The following ZNF536 variants were observed in gnomAD, a reference collection of about 807,000 sequenced individuals.
ZNF536 encodes zinc finger protein 536.
Under a neutral mutation model 84.5 loss-of-function variants are expected in ZNF536, and 13 were observed. That is an observed-to-expected ratio of 0.15 (90% CI 0.10 to 0.24). The LOEUF is 0.24. Among genes scored for constraint, ZNF536 ranks in the 10% least tolerant of loss-of-function variants. The pLI, the probability that ZNF536 is intolerant of heterozygous loss-of-function variation, is 1.00. For missense variants in ZNF536, 1,536 were observed against 1,747.5 expected (o/e 0.88, Z 2.16); for synonymous variants, 811 against 742.5 (o/e 1.09, Z -1.50).
chr19:30,499,070 T>G (rs2054842535), intron 2 of ZNF536, among the ~76,000 whole-genome samples: 1 of 152,010 alleles, frequency 6.6e-6, no homozygotes, highest in Admixed American at 6.6e-5. Context: ...AATAGAATTC[T>G]AATTTTTACT....
At chr19:30,286,038 C>T (rs2045613307) in intron 2 of ZNF536, among the ~76,000 whole-genome samples, 1 of 151,988 alleles carries the variant, frequency 6.6e-6, no homozygotes, top group Non-Finnish European at 1.5e-5. Context: ...CGACGCAGGG[C>T]ATCCTTTCCT....
At chr19:30,502,064 C>T (rs1269744223) in intron 2 of ZNF536, among the ~76,000 whole-genome samples, 1 of 152,156 alleles carries the variant, frequency 6.6e-6, no homozygotes, top group Non-Finnish European at 1.5e-5. Flanking sequence ...GTAATGTAGA[C>T]TATGATATTT....
At chr19:30,288,872 T>C (rs2045737481) in intron 2 of ZNF536, among the ~76,000 whole-genome samples, 1 of 152,238 alleles carries the variant, frequency 6.6e-6, no homozygotes, top group Admixed American at 6.5e-5. Context: ...TTATTCAAGA[T>C]TAATGAAAAT....
intron 1 of ZNF536, 58 bp from the exon 2 acceptor site, chr19:30,443,503 T>G: frequency 6.7e-7 from 1 of 1,497,466 alleles, no homozygotes; most frequent in Admixed American, 2.5e-5. Flanking sequence ...CCAATGCTGT[T>G]GATTCATGGC....
chr19:30,471,313 C>T (rs940338705), intron 2 of ZNF536, among the ~76,000 whole-genome samples: 2 of 152,186 alleles, frequency 1.3e-5, no homozygotes, highest in Admixed American at 1.3e-4. Context: ...AAAGCCACAG[C>T]TGTTTTAAAG....
intron 2 of ZNF536, among the ~76,000 whole-genome samples, chr19:30,478,496 A>G (rs2053943773): frequency 6.6e-6 from 1 of 152,164 alleles, no homozygotes; most frequent in African/African-American, 2.4e-5. Context: ...GGGCTCAGTC[A>G]GGCATGGTCT....
intron 2 of ZNF536, among the ~76,000 whole-genome samples, chr19:30,457,038 TCTC>T: frequency 9.7e-6 from 1 of 103,544 alleles, no homozygotes; most frequent in African/African-American, 3.7e-5. Flanking sequence ...CAAGACTTCA[TCTC>T]AAAAAAAAAA....
At chr19:30,615,988 TCTGGGTTAACTTAAACCA>T (rs2048281742) in intron 1 of ZNF536, among the ~76,000 whole-genome samples, 3 of 152,216 alleles carry the variant, frequency 2.0e-5, no homozygotes, top group Admixed American at 2.0e-4. Context: ...TTGGTTATTG[TCTGGGTTAACTTAAACCA>T]CTGATTCTTG....
At chr19:30,394,054 G>C (rs992267472) in intron 1 of ZNF536, among the ~76,000 whole-genome samples, 1 of 152,088 alleles carries the variant, frequency 6.6e-6, no homozygotes, top group Non-Finnish European at 1.5e-5. Context: ...AGACAGTAGG[G>C]AAGGGCACGT....
intron 1 of ZNF536, among the ~76,000 whole-genome samples, chr19:30,401,915 A>G (rs1157251117): frequency 6.6e-6 from 1 of 152,252 alleles, no homozygotes; most frequent in Non-Finnish European, 1.5e-5. Context: ...CCAAAGAGTT[A>G]GAAGCATCAT....
At chr19:30,424,009 G>A (rs895594521) in intron 1 of ZNF536, among the ~76,000 whole-genome samples, 2 of 152,190 alleles carry the variant, frequency 1.3e-5, no homozygotes, top group Admixed American at 1.3e-4. Context: ...CTACAGTCCC[G>A]GGTGCTTTGC....
intron 1 of ZNF536, among the ~76,000 whole-genome samples, chr19:30,595,862 AG>A (rs1287264179): frequency 6.6e-6 from 1 of 152,188 alleles, no homozygotes; most frequent in East Asian, 1.9e-4. Flanking sequence ...AGGCAGGGAA[AG>A]GGGAAAGCAA....
In ZNF536 at chr19:30,271,294, C is replaced by CTTTTTTTTTTTTTTTTTTTTTTTTTTT. The variant is rs879683203; in HGVS notation, c.-189-12774_-189-12773insTTTTTTTTTTTTTTTTTTTTTTTTTTT. ...CTGGAAGCTTTCCCTGTGTTTTTTT[C>CTTTTTTTTTTTTTTTTTTTTTTTTTTT]TTTTCTTTTTTTTTTTTTTTTTTTT... On this transcript the variant is annotated intron_variant, in intron 1 of 5. Transcript: ENST00000585628. Among the ~76,000 whole-genome samples the CTTTTTTTTTTTTTTTTTTTTTTTTTTT allele has an allele frequency of 4.8e-5, 5 of 103,198 alleles. 1 individual carries two copies. Among genetic ancestry groups the CTTTTTTTTTTTTTTTTTTTTTTTTTTT allele is most frequent in the Admixed American group, 2.2e-4 (2 of 9,018 alleles). 67.7% of individuals were successfully genotyped at this position (103,198 alleles called of 152,430 possible).
chr19:30,311,493 C>T (rs1389921984), intron 2 of ZNF536, among the ~76,000 whole-genome samples: 2 of 152,220 alleles, frequency 1.3e-5, no homozygotes, highest in South Asian at 2.1e-4. Context: ...AGGTGCTTAG[C>T]CTGCTCACTG....
At chr19:30,653,554 G>T (rs1163010072) in intron 1 of ZNF536, among the ~76,000 whole-genome samples, 1 of 152,204 alleles carries the variant, frequency 6.6e-6, no homozygotes, top group African/African-American at 2.4e-5. Context: ...CAGGCTTTCA[G>T]GTTCTCTTGA....
chr19:30,486,908 A>G (rs1024929237), intron 2 of ZNF536, among the ~76,000 whole-genome samples: 4 of 152,238 alleles, frequency 2.6e-5, no homozygotes, highest in Non-Finnish European at 5.9e-5. Context: ...AGGAGGGAAT[A>G]AAACTACTAA....
chr19:30,346,052 C>A (rs1006587684), intron 2 of ZNF536, among the ~76,000 whole-genome samples: 2 of 152,284 alleles, frequency 1.3e-5, no homozygotes, highest in African/African-American at 4.8e-5. Context: ...TCTTCCATGC[C>A]ACTATGATGC....
At chr19:30,480,171 A>G (rs2054015176) in intron 2 of ZNF536, among the ~76,000 whole-genome samples, 1 of 152,144 alleles carries the variant, frequency 6.6e-6, no homozygotes, top group South Asian at 2.1e-4. Context: ...ATTTCACGGG[A>G]GTGTGGAGAT....
intron 2 of ZNF536, among the ~76,000 whole-genome samples, chr19:30,334,522 C>T (rs1334015647): frequency 6.6e-6 from 1 of 152,196 alleles, no homozygotes; most frequent in African/African-American, 2.4e-5. Flanking sequence ...CAAACGTTTT[C>T]TCCACCCATC....
Sources: gnomAD v4.1 joint callset for allele counts (sites outside exome capture counted in the v4.1 genomes callset) on GRCh38, gnomAD v4.1.1 for gene constraint, MANE v1.5 for transcripts, NCBI Gene and HGNC (gene_info 2026-07-23, HGNC 2026-07-21) for gene names.